Variants in CSMD1 observed in about 807,000 individuals in gnomAD.
The protein encoded by CSMD1 is CUB and Sushi multiple domains 1, also known as CUB and sushi domain-containing protein 1.
Under a neutral mutation model 417.5 loss-of-function variants are expected in CSMD1, and 213 were observed. That is an observed-to-expected ratio of 0.51 (90% CI 0.46 to 0.57). The LOEUF (loss-of-function observed/expected upper bound fraction) is 0.57. Among genes scored for constraint, CSMD1 ranks in the 20% least tolerant of loss-of-function variants. CSMD1 has a pLI of 0.00. For missense variants in CSMD1, 6,923 were observed against 4,529.7 expected (o/e 1.53, Z -15.17); for synonymous variants, 2,862 against 1,736.8 (o/e 1.65, Z -16.11).
intron 3 of CSMD1, among the ~76,000 whole-genome samples, chr8:4,163,694 A>G (rs1164905655): frequency 6.6e-6 from 1 of 152,212 alleles, no homozygotes; most frequent in African/African-American, 2.4e-5. Context: ...CATATAAATA[A>G]TAAAATTTTT....
At chr8:4,606,645 G>A (rs2725014) in intron 2 of CSMD1, among the ~76,000 whole-genome samples, 57,461 of 152,052 alleles carry the variant, frequency 0.38, 12,436 homozygotes, top group African/African-American at 0.6. Flanking sequence ...TAAGATTGCA[G>A]TCAACCATGA....
At chr8:3,445,419 G>C (rs1048660448) in intron 12 of CSMD1, among the ~76,000 whole-genome samples, 18 of 152,160 alleles carry the variant, frequency 1.2e-4, no homozygotes, top group African/African-American at 4.1e-4. Context: ...CCTACTTGCA[G>C]ATAGTTCTCA....
intron 2 of CSMD1, among the ~76,000 whole-genome samples, chr8:4,448,443 T>C (rs750301290): frequency 6.6e-6 from 1 of 152,198 alleles, no homozygotes; most frequent in Non-Finnish European, 1.5e-5. Context: ...ACATTTTCAC[T>C]GTGGAGCTAT....
At chr8:3,077,388 G>A (rs1355419466) in intron 49 of CSMD1, among the ~76,000 whole-genome samples, 1 of 152,142 alleles carries the variant, frequency 6.6e-6, no homozygotes, top group African/African-American at 2.4e-5. Context: ...CAACAACAGT[G>A]CATCAAAGGT....
intron 10 of CSMD1, among the ~76,000 whole-genome samples, chr8:3,532,574 G>C (rs556497077): frequency 2.0e-5 from 3 of 152,170 alleles, no homozygotes; most frequent in Non-Finnish European, 2.9e-5. Context: ...CACAGGATTT[G>C]ATGAGTGATT....
intron 3 of CSMD1, among the ~76,000 whole-genome samples, chr8:4,075,729 T>C (rs1409086960): frequency 6.6e-6 from 1 of 152,152 alleles, no homozygotes; most frequent in African/African-American, 2.4e-5. Flanking sequence ...ACGGTTTGCA[T>C]GTTCTCAGGT....
rs532144468 is a variant in CSMD1 at position 3,923,141 on chromosome 8, C to T, written c.818+74762G>A. ...CAACTCATTAAAAGAGAGCTAGGGT[C>T]CCAGACCACGCCGAAGCTTCATGAG... On this transcript the variant is annotated intron_variant, in intron 5 of 69. Transcript: ENST00000635120. Among the ~76,000 whole-genome samples the T allele has an allele frequency of 1.3e-5, 2 of 152,100 alleles. 1 individual carries two copies. The highest frequency in any genetic ancestry group is 4.2e-4 in the South Asian group (2 of 4,818).
chr8:3,275,291 G>T (rs1450859981), intron 26 of CSMD1, among the ~76,000 whole-genome samples: 1 of 152,156 alleles, frequency 6.6e-6, no homozygotes, highest in African/African-American at 2.4e-5. Context: ...TTTCTGTCAA[G>T]AGATCTGCTG....
At position 4,312,465 on chromosome 8, in the gene CSMD1, G is replaced by GTATATATATATATATATA. The variant is rs140158264; in HGVS notation, c.415+107487_415+107488insTATATATATATATATATA. On this transcript the variant is annotated intron_variant, in intron 3 of 69. Transcript: ENST00000635120. ...TATATATATACGTATATATATGCGC[G>GTATATATATATATATATA]TATATATATATATACACATATAGAA... Among the ~76,000 whole-genome samples the GTATATATATATATATATA allele has an allele frequency of 1.0e-3, 119 of 119,178 alleles. 4 individuals are homozygous for GTATATATATATATATATA. Among genetic ancestry groups the GTATATATATATATATATA allele is most frequent in the Non-Finnish European group, 1.5e-3 (90 of 59,150 alleles). The allele number at this position is 119,178 out of a possible 152,430, so 78.2% of individuals were successfully genotyped here.
At position 2,965,838 on chromosome 8, in the gene CSMD1, T is replaced by A; in HGVS notation, c.9217A>T (p.Thr3073Ser). The stretch of plus-strand genomic sequence containing the variant: ...TTGGTACAGCGAATAGTGGCGGATG[T>A]GACTGCTTCCATGACATAGCCTGGG... ...CNPGYVMEAV[T>S]SATIRCTKDG... Residue 3073 changes from threonine (T) to serine (S), a missense_variant, in exon 59 of 70, where the codon ACA (threonine) becomes TCA (serine). Thr to Ser is a moderately conservative substitution (Grantham distance 58). Transcript: ENST00000635120. The A allele has an allele frequency of 6.2e-7, 1 of 1,608,694 alleles. No homozygotes were observed. Among genetic ancestry groups the A allele is most frequent in the Non-Finnish European group, 8.5e-7 (1 of 1,177,422 alleles).
chr8:4,448,943 C>T (rs893581360), intron 2 of CSMD1, among the ~76,000 whole-genome samples: 3 of 152,106 alleles, frequency 2.0e-5, no homozygotes, highest in African/African-American at 4.8e-5. Context: ...GATAAATTAC[C>T]AGTGTACCTG....
At chr8:4,348,938 G>C (rs1207814905) in intron 3 of CSMD1, among the ~76,000 whole-genome samples, 1 of 152,024 alleles carries the variant, frequency 6.6e-6, no homozygotes, top group African/African-American at 2.4e-5. Flanking sequence ...TCCTTAACCA[G>C]ACAGTGCCCT....
At chr8:3,590,055 G>A (rs529199815) in intron 8 of CSMD1, among the ~76,000 whole-genome samples, 180 of 151,872 alleles carry the variant, frequency 1.2e-3, no homozygotes, top group Middle Eastern at 6.8e-3. Flanking sequence ...ATGCAACATC[G>A]CTTTATAAAA....
intron 3 of CSMD1, among the ~76,000 whole-genome samples, chr8:4,044,950 T>C (rs945910711): frequency 2.0e-5 from 3 of 152,186 alleles, no homozygotes; most frequent in South Asian, 4.1e-4. Context: ...CATCTGAGAG[T>C]AATTATATTC....
At chr8:3,227,873 T>C (rs932317797) in intron 27 of CSMD1, among the ~76,000 whole-genome samples, 1 of 152,008 alleles carries the variant, frequency 6.6e-6, no homozygotes, top group African/African-American at 2.4e-5. Flanking sequence ...GTTCAAGTGA[T>C]TCTCGTGCCT....
chr8:3,201,644 C>T lies in CSMD1; in HGVS notation c.5066G>A (p.Arg1689Lys). 1 of 1,605,462 alleles carries T rather than the reference C, an allele frequency of 6.2e-7. No homozygotes were observed. The highest frequency in any genetic ancestry group is 8.5e-7 in the Non-Finnish European group (1 of 1,175,832). Residue 1689 changes from arginine to lysine, a missense_variant, in exon 32 of 70, where the codon AGA (arginine) becomes AAA (lysine). Physicochemically the swap from Arg to Lys is conservative, Grantham distance 26 (BLOSUM62 2). Transcript: ENST00000635120. ...AGACCCCGAGAGTGAGCTGAGAAGTCTGGCCTGTGCATGGGTTCCATCAAA... is the reference window on the plus strand; with the variant it reads ...AGACCCCGAGAGTGAGCTGAGAAGTTTGGCCTGTGCATGGGTTCCATCAAA... ...ELFDGTHAQARLLSSLSGSHS... is the reference protein window; with the variant it reads ...ELFDGTHAQAKLLSSLSGSHS...
At chr8:3,570,591 G>A (rs996887780) in intron 10 of CSMD1, among the ~76,000 whole-genome samples, 8 of 152,134 alleles carry the variant, frequency 5.3e-5, no homozygotes, top group African/African-American at 1.4e-4. Context: ...AAACACCTGA[G>A]CTGCAATGCT....
intron 2 of CSMD1, among the ~76,000 whole-genome samples, chr8:4,535,610 A>G (rs1797064227): frequency 6.6e-6 from 1 of 152,212 alleles, no homozygotes; most frequent in Admixed American, 6.5e-5. Flanking sequence ...CTGTTCTGTG[A>G]AATTATAATA....
chr8:4,165,536 T>G (rs558746849), intron 3 of CSMD1, among the ~76,000 whole-genome samples: 1 of 152,112 alleles, frequency 6.6e-6, no homozygotes, highest in African/African-American at 2.4e-5. Flanking sequence ...GCCAAGTAGG[T>G]GGGACCTCCG....
Sources: gnomAD v4.1 joint callset for allele counts (sites outside exome capture counted in the v4.1 genomes callset) on GRCh38, gnomAD v4.1.1 for gene constraint, MANE v1.5 for transcripts, NCBI Gene and HGNC (gene_info 2026-07-23, HGNC 2026-07-21) for gene names.